RARB: variants seen among roughly 807,000 people sequenced by gnomAD.
RARB encodes HBV-activated protein.
In RARB, 17 loss-of-function variants were observed where a neutral mutation model predicts 51.9. The ratio of observed to expected loss-of-function variants is 0.33; its 90% confidence interval spans 0.22 to 0.49. The LOEUF (loss-of-function observed/expected upper bound fraction) is 0.49. Among genes scored for constraint, RARB ranks in the 20% least tolerant of loss-of-function variants. RARB has a pLI of 0.99. For missense variants in RARB, 369 were observed against 550.8 expected, an observed-to-expected ratio of 0.67 and a Z score of 3.30; for synonymous variants, 215 against 195.4, an observed-to-expected ratio of 1.10 and a Z score of -0.84.
intron 1 of RARB, among the ~76,000 whole-genome samples, chr3:25,433,292 T>TAGGCTGCCCCTTGAACCC (rs11268221): frequency 0.99 from 151,255 of 152,268 alleles, 75,131 homozygotes; most frequent in East Asian, 1. Flanking sequence ...CAACATCTCC[T>TAGGCTGCCCCTTGAACCC]AGGAGTGGCA....
At chr3:25,440,635 G>T (rs892680355) in intron 1 of RARB, among the ~76,000 whole-genome samples, 13 of 151,842 alleles carry the variant, frequency 8.6e-5, no homozygotes, top group Non-Finnish European at 5.9e-5. Context: ...GCTGGGCGTG[G>T]TGGTGCCCGC....
intron 4 of RARB, among the ~76,000 whole-genome samples, chr3:25,579,205 A>C (rs1162376857): frequency 6.6e-6 from 1 of 152,202 alleles, no homozygotes; most frequent in African/African-American, 2.4e-5. Context: ...CAGTATCTTA[A>C]GTCAGGTTTA....
At chr3:25,112,620 TA>T (rs1317809829) in intron 3 of RARB, among the ~76,000 whole-genome samples, 1 of 151,574 alleles carries the variant, frequency 6.6e-6, no homozygotes, top group African/African-American at 2.4e-5. Flanking sequence ...CTACAAATAA[TA>T]AAAAAAATTA....
At chr3:25,268,524 A>G (rs941241335) in intron 5 of RARB, among the ~76,000 whole-genome samples, 2 of 152,332 alleles carry the variant, frequency 1.3e-5, no homozygotes, top group Admixed American at 1.3e-4. Flanking sequence ...CATTTGATAC[A>G]TTCCATTGTT....
At position 25,596,617 on chromosome 3, in the gene RARB, G is replaced by C. The variant is rs1701846624; in HGVS notation, c.*1G>C. 6.3e-7 allele frequency: 1 copy of C among 1,578,920 alleles called. No homozygotes were observed. The highest frequency in any genetic ancestry group is 8.7e-7 in the Non-Finnish European group (1 of 1,153,306). On this transcript the variant is annotated 3_prime_UTR_variant, in exon 8 of 8. Transcript: ENST00000330688. ...CAGTCAGTCACCACTCGTGCAATAA[G>C]ACATTTTCTAGCTACTTCAAACATT...
At chr3:25,175,218 A>G (rs1434142784) in intron 5 of RARB, among the ~76,000 whole-genome samples, 2 of 152,346 alleles carry the variant, frequency 1.3e-5, no homozygotes, top group African/African-American at 4.8e-5. Context: ...ACATTGAAAC[A>G]TCTATATTGT....
chr3:24,914,109 T>C (rs75474711), intron 2 of RARB, among the ~76,000 whole-genome samples: 101 of 152,280 alleles, frequency 6.6e-4, no homozygotes, highest in African/African-American at 2.4e-3. Context: ...AGAGAAAGGA[T>C]CACAGATGGA....
At position 25,596,761 on chromosome 3, in the gene RARB, C is replaced by G; in HGVS notation, c.*145C>G. 1 of 674,120 alleles carries G rather than the reference C, an allele frequency of 1.5e-6. No homozygotes were observed. Among genetic ancestry groups the G allele is most frequent in the South Asian group, 2.5e-5 (1 of 39,652 alleles). The allele number at this position is 674,120 out of a possible 1,614,324, so 41.8% of individuals were successfully genotyped here. A position where few individuals can be genotyped will look rare whatever the true frequency, so the allele number is the denominator to read the frequency against. Reference sequence around the variant, plus strand: ...AGGACCAAGAAGTTTTCATATGTATCAATATATATACTCCTCACTGTGTAA... The same window carrying G: ...AGGACCAAGAAGTTTTCATATGTATGAATATATATACTCCTCACTGTGTAA... On this transcript the variant is annotated 3_prime_UTR_variant, in exon 8 of 8. Transcript: ENST00000330688.
chr3:24,869,852 CA>C (rs1702914478), intron 2 of RARB, among the ~76,000 whole-genome samples: 1 of 151,992 alleles, frequency 6.6e-6, no homozygotes, highest in South Asian at 2.1e-4. Context: ...TATTTGTGTG[CA>C]AGCTGAAACA....
chr3:25,312,773 G>A lies in RARB; in HGVS notation c.178+138198G>A, dbSNP rs189317210. On this transcript the variant is annotated intron_variant, in intron 5 of 11. Coordinates refer to the RARB transcript ENST00000383772. Reference sequence around the variant, plus strand: ...TACAATCTGCATAGATGGCCCCACTGGGGAACATTCCCACGCAGCCACAGC... The same window carrying A: ...TACAATCTGCATAGATGGCCCCACTAGGGAACATTCCCACGCAGCCACAGC... Among the ~76,000 whole-genome samples the A allele has an allele frequency of 4.7e-4, 72 of 152,320 alleles. 3 individuals are homozygous for A. The East Asian group carries it at 0.011, about 22-fold the overall frequency.
At chr3:25,031,627 C>T (rs1191570504) in intron 2 of RARB, among the ~76,000 whole-genome samples, 2 of 152,174 alleles carry the variant, frequency 1.3e-5, no homozygotes, top group African/African-American at 2.4e-5. Context: ...ACCTGATGAA[C>T]TCTTTCTCTC....
intron 2 of RARB, among the ~76,000 whole-genome samples, chr3:25,034,565 C>T (rs1344427318): frequency 6.6e-6 from 1 of 152,148 alleles, no homozygotes; most frequent in Admixed American, 6.5e-5. Context: ...AAGAGTAAAC[C>T]TTCAACAAAA....
At chr3:25,290,536 C>T (rs1002808029) in intron 5 of RARB, among the ~76,000 whole-genome samples, 14 of 152,298 alleles carry the variant, frequency 9.2e-5, no homozygotes, top group Admixed American at 5.2e-4. Context: ...ACAGGAAACA[C>T]GCCTTCATGA....
chr3:24,883,926 T>C (rs1391159094), intron 2 of RARB, among the ~76,000 whole-genome samples: 1 of 152,198 alleles, frequency 6.6e-6, no homozygotes, highest in Non-Finnish European at 1.5e-5. Context: ...TGTGGTTATT[T>C]AATTTTCATT....
chr3:25,476,810 T>C (rs904157246), intron 2 of RARB, among the ~76,000 whole-genome samples: 4 of 152,214 alleles, frequency 2.6e-5, no homozygotes, highest in African/African-American at 9.6e-5. Flanking sequence ...GGAACTTTCA[T>C]TGTGGTACTG....
chr3:25,064,081 G>T lies in RARB; in HGVS notation c.-328+3905G>T, dbSNP rs576993071. 2.2e-4 allele frequency among the ~76,000 whole-genome samples: 34 copies of T among 152,140 alleles called. No individual in the cohort carries two copies. In the East Asian group the frequency reaches 6.4e-3, roughly 29 times the overall value. On this transcript the variant is annotated intron_variant, in intron 3 of 11. Coordinates refer to the RARB transcript ENST00000383772. Reference sequence around the variant, plus strand: ...GCGGTGGGTGGATAGAACCTAGCTTGCCTTATTGTAAAAATGCCAAAGCTA... The same window carrying T: ...GCGGTGGGTGGATAGAACCTAGCTTTCCTTATTGTAAAAATGCCAAAGCTA...
chr3:24,880,869 C>T (rs1265234473), intron 2 of RARB, among the ~76,000 whole-genome samples: 1 of 152,106 alleles, frequency 6.6e-6, no homozygotes, highest in East Asian at 1.9e-4. Context: ...ATGTTTAATT[C>T]TTTTTCCACA....
intron 5 of RARB, among the ~76,000 whole-genome samples, chr3:25,386,323 G>A (rs1053496912): frequency 1.3e-5 from 2 of 152,140 alleles, no homozygotes; most frequent in East Asian, 1.9e-4. Flanking sequence ...GGTGGGTCAC[G>A]CTGAGAAATG....
At chr3:24,991,137 T>A (rs564257458) in intron 2 of RARB, among the ~76,000 whole-genome samples, 2 of 152,320 alleles carry the variant, frequency 1.3e-5, no homozygotes, top group Admixed American at 1.3e-4. Context: ...AATAGATAAT[T>A]ATCTGTTAAA....
Sources: allele counts gnomAD v4.1 joint callset (sites outside exome capture counted in the v4.1 genomes callset), GRCh38; gene constraint gnomAD v4.1.1; transcripts MANE v1.5; gene names NCBI Gene and HGNC (gene_info 2026-07-23, HGNC 2026-07-21).